The following STPG2 variants were observed in gnomAD, a reference collection of about 807,000 sequenced individuals.
STPG2 encodes the protein sperm-tail PG-rich repeat-containing protein 2.
STPG2 carries 56 observed loss-of-function variants against 54.2 expected under a neutral mutation model. That is an observed-to-expected ratio of 1.03 (90% CI 0.83 to 1.29). The LOEUF is 1.29. STPG2 is among the 50% of genes most tolerant of loss of function. STPG2 has a pLI of 0.00. For synonymous variants in STPG2, 200 were observed against 181.8 expected, an observed-to-expected ratio of 1.10 and a Z score of -0.81; for missense variants, 596 against 544.9, an observed-to-expected ratio of 1.09 and a Z score of -0.93.
intron 10 of STPG2, among the ~76,000 whole-genome samples, chr4:97,701,186 C>T (rs1723762686): frequency 1.3e-5 from 2 of 152,118 alleles, no homozygotes; most frequent in South Asian, 4.2e-4. Context: ...CTCACCCTAC[C>T]ATTCAGGGAG....
chr4:97,837,662 C>A (rs1400424783), intron 9 of STPG2, among the ~76,000 whole-genome samples: 1 of 151,576 alleles, frequency 6.6e-6, no homozygotes, highest in South Asian at 2.1e-4. Flanking sequence ...TATACTGAGT[C>A]TAGATGTACT....
chr4:97,560,700 C>A (rs1179032248), intron 10 of STPG2, among the ~76,000 whole-genome samples: 2 of 152,032 alleles, frequency 1.3e-5, no homozygotes, highest in Non-Finnish European at 2.9e-5. Context: ...TCCAGAGATT[C>A]AACATCTGGT....
intron 8 of STPG2, among the ~76,000 whole-genome samples, chr4:97,937,909 G>C (rs995483823): frequency 1.3e-5 from 2 of 152,182 alleles, no homozygotes; most frequent in African/African-American, 4.8e-5. Flanking sequence ...TTTGGCTGTC[G>C]CTTGGTTGAG....
chr4:97,748,885 A>G (rs1725498063), intron 9 of STPG2, among the ~76,000 whole-genome samples: 1 of 151,656 alleles, frequency 6.6e-6, no homozygotes. Flanking sequence ...TGCAGTCTTT[A>G]GAGTTTGCCA....
At chr4:97,783,699 G>A (rs1347486557) in intron 9 of STPG2, among the ~76,000 whole-genome samples, 1 of 152,112 alleles carries the variant, frequency 6.6e-6, no homozygotes, top group African/African-American at 2.4e-5. Flanking sequence ...TGATAGACTG[G>A]ATTAAGAAAA....
intron 3 of STPG2, among the ~76,000 whole-genome samples, chr4:98,119,729 C>T (rs938412877): frequency 6.6e-6 from 1 of 151,818 alleles, no homozygotes; most frequent in African/African-American, 2.4e-5. Context: ...TTTTCTGATG[C>T]TCTCCATCCC....
chr4:97,849,984 C>A lies in STPG2; in HGVS notation c.1045-9052G>T, dbSNP rs571974703. Among the ~76,000 whole-genome samples the A allele has an allele frequency of 3.9e-3, 590 of 151,838 alleles. 4 individuals are homozygous for A. The highest frequency in any genetic ancestry group is 6.8e-3 in the Non-Finnish European group (461 of 67,936). On this transcript the variant is annotated intron_variant, in intron 8 of 10. Coordinates refer to ENST00000295268, the MANE Select transcript of STPG2 (RefSeq NM_174952.3). ...GACACATGCACACGTATGTTTATTG[C>A]GGCATTATTCACGATAGCAAAGACT...
intron 10 of STPG2, among the ~76,000 whole-genome samples, chr4:97,605,810 C>CAA (rs201278737): frequency 7.0e-6 from 1 of 142,468 alleles, no homozygotes; most frequent in African/African-American, 2.8e-5. Flanking sequence ...TGCATTAATA[C>CAA]AAAAAAAAGA....
At chr4:97,672,047 A>C (rs919252037) in intron 10 of STPG2, among the ~76,000 whole-genome samples, 2 of 152,058 alleles carry the variant, frequency 1.3e-5, no homozygotes, top group African/African-American at 4.8e-5. Flanking sequence ...CAGACACTAT[A>C]AGGTATTTTC....
At chr4:98,013,725 A>AT (rs1326249549) in intron 5 of STPG2, among the ~76,000 whole-genome samples, 5 of 150,250 alleles carry the variant, frequency 3.3e-5, no homozygotes, top group South Asian at 2.1e-4. Context: ...GAATTTATCC[A>AT]TTTTTTCTAG....
chr4:97,648,748 T>C (rs1430306350), intron 10 of STPG2, among the ~76,000 whole-genome samples: 7 of 152,132 alleles, frequency 4.6e-5, no homozygotes, highest in South Asian at 4.1e-4. Context: ...AGGAAATGTA[T>C]ACAAACTTAG....
At chr4:97,560,356 T>G (rs1398025285) in intron 10 of STPG2, among the ~76,000 whole-genome samples, 2 of 152,168 alleles carry the variant, frequency 1.3e-5, no homozygotes, top group Admixed American at 6.6e-5. Context: ...GCCATAAGAC[T>G]CTCTCCTTTC....
intron 8 of STPG2, among the ~76,000 whole-genome samples, chr4:97,935,223 T>G (rs1327414143): frequency 6.6e-6 from 1 of 152,160 alleles, no homozygotes; most frequent in Non-Finnish European, 1.5e-5. Flanking sequence ...CTTTTTATTG[T>G]GTCCACTTGA....
chr4:97,634,473 G>A (rs559467750), intron 10 of STPG2, among the ~76,000 whole-genome samples: 3 of 152,290 alleles, frequency 2.0e-5, no homozygotes, highest in East Asian at 1.9e-4. Flanking sequence ...ACCTGCAACA[G>A]AACAAAGCTG....
At chr4:97,734,370 T>C (rs1724902623) in intron 9 of STPG2, among the ~76,000 whole-genome samples, 2 of 152,172 alleles carry the variant, frequency 1.3e-5, no homozygotes, top group Non-Finnish European at 2.9e-5. Flanking sequence ...GTCACTCAGG[T>C]ATTAAGCCAG....
chr4:97,506,796 G>C (rs779128735), intron 4 of STPG2, among the ~76,000 whole-genome samples: 4 of 151,702 alleles, frequency 2.6e-5, no homozygotes, highest in Non-Finnish European at 5.9e-5. Flanking sequence ...TAAGCTAATA[G>C]AGAGAGAGAA....
At chr4:97,616,092 A>ATATATATATATATATATATGTATG (rs764342142) in intron 10 of STPG2, among the ~76,000 whole-genome samples, 2 of 63,296 alleles carry the variant, frequency 3.2e-5, no homozygotes, top group Non-Finnish European at 7.0e-5. Flanking sequence ...ATATATATAT[A>ATATATATATATATATATATGTATG]TATGTATGTA....
intron 5 of STPG2, among the ~76,000 whole-genome samples, chr4:98,091,401 C>G (rs188525923): frequency 3.3e-5 from 5 of 152,034 alleles, no homozygotes; most frequent in African/African-American, 1.2e-4. Context: ...CTCACACCTT[C>G]GTGGCTTTAC....
intron 10 of STPG2, among the ~76,000 whole-genome samples, chr4:97,588,213 G>A (rs1213595465): frequency 6.6e-6 from 1 of 151,658 alleles, no homozygotes; most frequent in East Asian, 1.9e-4. Flanking sequence ...CCCATCTCTA[G>A]AGAAATAAAT....
Sources: gnomAD v4.1 joint callset for allele counts (sites outside exome capture counted in the v4.1 genomes callset) on GRCh38, gnomAD v4.1.1 for gene constraint, MANE v1.5 for transcripts, NCBI Gene and HGNC (gene_info 2026-07-23, HGNC 2026-07-21) for gene names.